Variants in LAMA2 observed in about 807,000 individuals in gnomAD.
LAMA2 encodes the protein laminin subunit alpha-2.
Under a neutral mutation model 364.8 loss-of-function variants are expected in LAMA2, and 269 were observed. That is an observed-to-expected ratio of 0.74 (90% CI 0.67 to 0.82). LAMA2 has a LOEUF of 0.82. Among genes scored for constraint, LAMA2 ranks in the 40% least tolerant of loss-of-function variants. LAMA2 has a pLI of 0.00. For synonymous variants in LAMA2, 1,379 were observed against 1,370.6 expected (o/e 1.01, Z -0.14); for missense variants, 3,807 against 3,873.2 (o/e 0.98, Z 0.45).
intron 16 of LAMA2, among the ~76,000 whole-genome samples, chr6:129,267,500 A>T (rs759093266): frequency 2.0e-5 from 3 of 152,100 alleles, no homozygotes; most frequent in Non-Finnish European, 4.4e-5. Flanking sequence ...AACTACCATG[A>T]ATATATATGG....
chr6:129,236,235 G>A (rs17740726), intron 12 of LAMA2, among the ~76,000 whole-genome samples: 7,467 of 152,204 alleles, frequency 0.049, 274 homozygotes, highest in Non-Finnish European at 0.068. Context: ...AATGTTCACC[G>A]AGGTAAATAA....
At chr6:129,024,595 C>T (rs1009882778) in intron 1 of LAMA2, among the ~76,000 whole-genome samples, 3 of 151,872 alleles carry the variant, frequency 2.0e-5, no homozygotes, top group African/African-American at 4.8e-5. Flanking sequence ...GGGACTTCAC[C>T]ATGTTGGCCA....
chr6:129,210,002 T>TTAAAAAAAAAAAAA (rs1782983133), intron 12 of LAMA2, among the ~76,000 whole-genome samples: 1 of 50,428 alleles, frequency 2.0e-5, no homozygotes, highest in Non-Finnish European at 3.0e-5. Context: ...AGACTCCATC[T>TTAAAAAAAAAAAAA]CAAAAAAAAA....
chr6:128,943,683 A>AAT (rs768203057), intron 1 of LAMA2, among the ~76,000 whole-genome samples: 21 of 152,210 alleles, frequency 1.4e-4, no homozygotes, highest in Non-Finnish European at 2.6e-4. Context: ...AACTAGTGGA[A>AAT]ATAATATCAA....
At chr6:129,515,439 T>C (rs997832822) in intron 64 of LAMA2, among the ~76,000 whole-genome samples, 4 of 152,214 alleles carry the variant, frequency 2.6e-5, no homozygotes, top group Admixed American at 2.0e-4. Flanking sequence ...TCCAAGATAT[T>C]ATGAAGGAGG....
chr6:129,036,307 T>C (rs1212467018), intron 1 of LAMA2, among the ~76,000 whole-genome samples: 1 of 152,196 alleles, frequency 6.6e-6, no homozygotes, highest in Non-Finnish European at 1.5e-5. Context: ...GGTGTAATCC[T>C]ATCTTAATTA....
chr6:129,251,396 A>G lies in LAMA2; in HGVS notation c.1885-688A>G, dbSNP rs143978199. 2.2e-3 allele frequency among the ~76,000 whole-genome samples: 339 copies of G among 152,152 alleles called. 10 individuals are homozygous for G. The South Asian group carries it at 0.058, about 26-fold the overall frequency. ...TGTTCTACACAACCCACATCCATCT[A>G]CAGTTTGAAATATGTAACTTTCGTG... is the stretch of plus-strand genomic sequence containing the variant. On this transcript the variant is annotated intron_variant, in intron 13 of 64. Coordinates refer to ENST00000421865, the MANE Select transcript of LAMA2 (RefSeq NM_000426.4).
At chr6:128,906,071 T>A (rs1330697373) in intron 1 of LAMA2, among the ~76,000 whole-genome samples, 63 of 149,772 alleles carry the variant, frequency 4.2e-4, no homozygotes, top group Admixed American at 3.7e-3. Flanking sequence ...TCTTTGCTAT[T>A]GTGAATAGTG....
chr6:129,336,212 A>G (rs1775948404), intron 29 of LAMA2, among the ~76,000 whole-genome samples: 1 of 152,140 alleles, frequency 6.6e-6, no homozygotes, highest in Admixed American at 6.5e-5. Context: ...TAATCCTAGC[A>G]CTTTTGGAGG....
chr6:129,297,858 C>T lies in LAMA2; in HGVS notation c.3030C>T (p.Gly1010=). Reference sequence around the variant, plus strand: ...GCTATTTCAACTTCCAAGAAGGAGGCTGCACAGGTCTGTAAATATGACTTA... The same window carrying T: ...GCTATTTCAACTTCCAAGAAGGAGGTTGCACAGGTCTGTAAATATGACTTA... ...AHGYFNFQEG[G]CTACECSHLG... The change falls in exon 21 of 65, where the codon GGC becomes GGT. Residue 1010 remains glycine (G), a synonymous_variant. Coordinates refer to ENST00000421865, the MANE Select transcript of LAMA2 (RefSeq NM_000426.4). 4 of 1,613,316 alleles carry T rather than the reference C, an allele frequency of 2.5e-6. No individual in the cohort carries two copies. The highest frequency in any genetic ancestry group is 2.5e-6 in the Non-Finnish European group (3 of 1,179,584).
At chr6:129,254,709 A>G (rs1786509001) in intron 14 of LAMA2, among the ~76,000 whole-genome samples, 1 of 152,214 alleles carries the variant, frequency 6.6e-6, no homozygotes, top group South Asian at 2.1e-4. Context: ...AGGAAGATGA[A>G]GGCACAAGTA....
intron 8 of LAMA2, chr6:129,158,359 C>T: frequency 6.2e-7 from 1 of 1,614,024 alleles, no homozygotes; most frequent in Non-Finnish European, 8.5e-7. Flanking sequence ...ACTCTTTCGC[C>T]ATGCCATTTG....
chr6:128,983,224 C>T (rs1228200312), intron 1 of LAMA2, among the ~76,000 whole-genome samples: 1 of 152,010 alleles, frequency 6.6e-6, no homozygotes, highest in East Asian at 1.9e-4. Context: ...TTTACAGTCC[C>T]ACCAACAGTG....
chr6:128,958,465 A>G (rs181290962), intron 1 of LAMA2, among the ~76,000 whole-genome samples: 91 of 152,282 alleles, frequency 6.0e-4, no homozygotes, highest in African/African-American at 2.0e-3. Context: ...CTACAATTAA[A>G]TTCCTTTCCC....
rs1338907042 is a variant in LAMA2, at chr6:129,288,034, G to A, written c.2725G>A (p.Ala909Thr). 2.5e-6 allele frequency: 4 copies of A among 1,614,002 alleles called. No homozygotes were observed. The highest frequency in any genetic ancestry group is 3.4e-6 in the Non-Finnish European group (4 of 1,179,864). ...ELCADGYFGDAVDAKNCQPCR... is the reference protein window; with the variant it reads ...ELCADGYFGDTVDAKNCQPCR... The stretch of plus-strand genomic sequence containing the variant: ...CTGTGCTGATGGATATTTTGGAGAT[G>A]CAGTTGATGCGAAGAACTGTCAGCG... The change falls in exon 19 of 65, where the codon GCA (alanine) becomes ACA (threonine). Residue 909 changes from alanine to threonine, a missense_variant. By Grantham distance (58) the Ala-to-Thr change is moderately conservative (BLOSUM62 0). Transcript: ENST00000421865.
In LAMA2 at chr6:128,962,181, T is replaced by TACACACAC. The variant is rs1251433348; in HGVS notation, c.112+78825_112+78826insCACACACA. Among the ~76,000 whole-genome samples, 37 of 118,544 alleles carry TACACACAC rather than the reference T, an allele frequency of 3.1e-4. 1 individual carries two copies. Among genetic ancestry groups the TACACACAC allele is most frequent in the African/African-American group, 1.4e-3 (36 of 26,412 alleles). 77.8% of individuals were successfully genotyped at this position (118,544 alleles called of 152,430 possible). A position where few individuals can be genotyped will look rare whatever the true frequency, so the allele number is the denominator to read the frequency against. On this transcript the variant is annotated intron_variant, in intron 1 of 64. Coordinates refer to ENST00000421865, the MANE Select transcript of LAMA2 (RefSeq NM_000426.4). ...ATATATATATATATATATATATATA[T>TACACACAC]ATATACACACATACACACACACATA...
At chr6:129,116,501 A>C (rs953472449) in intron 4 of LAMA2, among the ~76,000 whole-genome samples, 4 of 152,130 alleles carry the variant, frequency 2.6e-5, no homozygotes, top group Admixed American at 2.6e-4. Flanking sequence ...AATAGTTCTA[A>C]AATCTTCTAA....
At chr6:129,080,328 G>A (rs2114837453) in intron 3 of LAMA2, among the ~76,000 whole-genome samples, 1 of 152,206 alleles carries the variant, frequency 6.6e-6, no homozygotes, top group African/African-American at 2.4e-5. Flanking sequence ...GAACCTTAGA[G>A]TAACTAAAAG....
chr6:128,909,733 G>C, intron 1 of LAMA2, among the ~76,000 whole-genome samples: 1 of 151,946 alleles, frequency 6.6e-6, no homozygotes. Flanking sequence ...TCCTAGTCTC[G>C]ATGGTCTTTA....
Sources: allele counts gnomAD v4.1 joint callset (sites outside exome capture counted in the v4.1 genomes callset), GRCh38; gene constraint gnomAD v4.1.1; transcripts MANE v1.5; gene names NCBI Gene and HGNC (gene_info 2026-07-23, HGNC 2026-07-21).